PARD3: variants seen among roughly 807,000 people sequenced by gnomAD.
The protein encoded by PARD3 is par-3 family cell polarity regulator, also known as partitioning defective 3 homolog.
A neutral mutation model predicts 155.4 loss-of-function variants in PARD3; 75 were observed. The observed-to-expected ratio is 0.48, with a 90% CI of 0.40 to 0.58. The LOEUF (loss-of-function observed/expected upper bound fraction) is 0.58. Ranked by LOEUF, PARD3 falls within the 20% of genes least tolerant of loss-of-function variation. The pLI, the probability that PARD3 is intolerant of heterozygous loss-of-function variation, is 0.00. For missense variants in PARD3, 1,642 were observed against 1,721.7 expected (o/e 0.95, Z 0.82); for synonymous variants, 576 against 610.5 (o/e 0.94, Z 0.83).
At chr10:34,579,790 T>TG (rs1440082751) in intron 2 of PARD3, among the ~76,000 whole-genome samples, 6 of 151,900 alleles carry the variant, frequency 3.9e-5, no homozygotes, top group Non-Finnish European at 5.9e-5. Context: ...TTGGTCAGGC[T>TG]GGTCTCGAAC....
At chr10:34,567,222 C>A (rs577690335) in intron 2 of PARD3, among the ~76,000 whole-genome samples, 1 of 152,162 alleles carries the variant, frequency 6.6e-6, no homozygotes, top group Non-Finnish European at 1.5e-5. Flanking sequence ...GAACAAAGTA[C>A]TGATATCAAC....
intron 2 of PARD3, among the ~76,000 whole-genome samples, chr10:34,533,485 A>G (rs923990329): frequency 6.6e-6 from 1 of 152,152 alleles, no homozygotes; most frequent in Non-Finnish European, 1.5e-5. Context: ...TATCAACTAT[A>G]AGAGAATTAT....
intron 3 of PARD3, among the ~76,000 whole-genome samples, chr10:34,481,862 TTGCTCTGTCTCCCAAATGGGAGTAGAG>T (rs1417280326): frequency 6.6e-6 from 1 of 151,922 alleles, no homozygotes; most frequent in African/African-American, 2.4e-5. Flanking sequence ...AGACAGGGTC[TTGCTCTGTCTCCCAAATGGGAGTAGAG>T]TGGTACAATC....
At chr10:34,686,376 A>G (rs940144397) in intron 2 of PARD3, among the ~76,000 whole-genome samples, 8 of 152,180 alleles carry the variant, frequency 5.3e-5, no homozygotes, top group Non-Finnish European at 8.8e-5. Context: ...ATAGTTGAAA[A>G]TTCTATCCAC....
intron 2 of PARD3, among the ~76,000 whole-genome samples, chr10:34,529,227 G>A (rs554611114): frequency 3.9e-5 from 6 of 152,258 alleles, no homozygotes; most frequent in South Asian, 4.1e-4. Flanking sequence ...ATCTGAATGC[G>A]GATCACCCAT....
At chr10:34,390,555 T>C (rs915548535) in intron 7 of PARD3, among the ~76,000 whole-genome samples, 4 of 152,052 alleles carry the variant, frequency 2.6e-5, no homozygotes, top group African/African-American at 7.2e-5. Context: ...ATGTAAGGAG[T>C]AGGGCTAAGT....
chr10:34,661,742 A>T (rs1193552967), intron 2 of PARD3, among the ~76,000 whole-genome samples: 1 of 152,250 alleles, frequency 6.6e-6, no homozygotes, highest in African/African-American at 2.4e-5. Flanking sequence ...CACAAAGATC[A>T]GAATTGTTAT....
chr10:34,304,354 A>T (rs545863424), intron 20 of PARD3, among the ~76,000 whole-genome samples: 6 of 150,810 alleles, frequency 4.0e-5, no homozygotes, highest in East Asian at 3.9e-4. Flanking sequence ...AAAAAAAAAG[A>T]ATTATTTTGG....
intron 22 of PARD3, among the ~76,000 whole-genome samples, chr10:34,141,765 T>C (rs1442409117): frequency 3.9e-5 from 6 of 152,146 alleles, no homozygotes; most frequent in Admixed American, 2.6e-4. Context: ...ACAGAGAACA[T>C]GCAAGCGCAA....
chr10:34,360,680 A>G (rs1379540178), intron 12 of PARD3, among the ~76,000 whole-genome samples: 2 of 152,190 alleles, frequency 1.3e-5, no homozygotes, highest in African/African-American at 4.8e-5. Flanking sequence ...AGTTATCAAT[A>G]TATTTAATGT....
chr10:34,681,762 ATATATATTTTTTTTTT>A (rs1159922352), intron 2 of PARD3, among the ~76,000 whole-genome samples: 19 of 22,364 alleles, frequency 8.5e-4, no homozygotes, highest in African/African-American at 4.3e-3. Context: ...ATATATATAT[ATATATATTTTTTTTTT>A]TTTTTTTTTT....
intron 20 of PARD3, among the ~76,000 whole-genome samples, chr10:34,294,611 G>C (rs761270909): frequency 8.5e-5 from 13 of 152,172 alleles, no homozygotes; most frequent in Non-Finnish European, 1.6e-4. Flanking sequence ...AAGAGGTGCA[G>C]ATTTTCTTTT....
At chr10:34,764,189 A>T (rs183586658) in intron 1 of PARD3, among the ~76,000 whole-genome samples, 2 of 152,318 alleles carry the variant, frequency 1.3e-5, no homozygotes, top group East Asian at 3.9e-4. Context: ...AAATTTCTTA[A>T]TCAACAAGAG....
chr10:34,795,218 C>G (rs1231513320), intron 1 of PARD3, among the ~76,000 whole-genome samples: 1 of 152,222 alleles, frequency 6.6e-6, no homozygotes, highest in African/African-American at 2.4e-5. Flanking sequence ...GGGTTGCTTG[C>G]ACTGAAGGAC....
At chr10:34,592,354 C>T (rs972335953) in intron 2 of PARD3, among the ~76,000 whole-genome samples, 1 of 152,192 alleles carries the variant, frequency 6.6e-6, no homozygotes, top group Non-Finnish European at 1.5e-5. Context: ...TACAAAGGCA[C>T]AGGTGAGGAC....
At chr10:34,526,267 G>A (rs1049691484) in intron 2 of PARD3, among the ~76,000 whole-genome samples, 6 of 151,976 alleles carry the variant, frequency 3.9e-5, no homozygotes, top group Admixed American at 3.9e-4. Flanking sequence ...TAGTGAGCAA[G>A]CAACTGGGGG....
At chr10:34,671,082 T>C (rs1315589235) in intron 2 of PARD3, among the ~76,000 whole-genome samples, 1 of 152,226 alleles carries the variant, frequency 6.6e-6, no homozygotes, top group African/African-American at 2.4e-5. Flanking sequence ...TTGCAAAAGT[T>C]ACTGAGACTC....
intron 22 of PARD3, among the ~76,000 whole-genome samples, chr10:34,140,859 G>A (rs1001436609): frequency 1.3e-5 from 2 of 152,092 alleles, no homozygotes; most frequent in African/African-American, 4.8e-5. Flanking sequence ...TGCAAAGTTA[G>A]TTTCTAACAA....
At position 34,111,275 on chromosome 10, in the gene PARD3, G is replaced by C. The variant is rs756661854; in HGVS notation, c.3956C>G (p.Ala1319Gly). ...TTGCCGGAAGGGCCCCTTGGGAGGG[G>C]CGTAACTGGGGTCCTGGACTTTCTT... ...SYKKVQDPSY[A>G]PPKGPFRQDV... is the part of the protein sequence containing the mutation. The change falls in exon 25 of 25, where the codon GCC (alanine) becomes GGC (glycine). Residue 1319 changes from alanine to glycine, a missense_variant. This residue lies in a region of PARD3 where 1,529 missense variants were observed against 1,587.3 expected (regional missense o/e 0.96). Transcript: ENST00000374788. 7 of 1,613,940 alleles carry C rather than the reference G, an allele frequency of 4.3e-6. No homozygotes were observed. Among genetic ancestry groups the C allele is most frequent in the Non-Finnish European group, 5.9e-6 (7 of 1,179,816 alleles).
Sources: allele counts gnomAD v4.1 joint callset (sites outside exome capture counted in the v4.1 genomes callset), GRCh38; gene constraint gnomAD v4.1.1; regional missense constraint gnomAD v4.1.1; transcripts MANE v1.5; gene names NCBI Gene and HGNC (gene_info 2026-07-23, HGNC 2026-07-21).